Variants in CDC42SE2 observed in about 807,000 individuals in gnomAD.
The protein encoded by CDC42SE2 is CDC42 small effector 2, also known as CDC42 small effector protein 2.
A neutral mutation model predicts 11.5 loss-of-function variants in CDC42SE2; 3 were observed. The ratio of observed to expected loss-of-function variants is 0.26; its 90% CI spans 0.12 to 0.67. The LOEUF is 0.67. Ranked by LOEUF, CDC42SE2 falls within the 30% of genes least tolerant of loss-of-function variation. CDC42SE2 has a pLI of 0.80. For synonymous variants in CDC42SE2, 33 were observed against 34.8 expected (o/e 0.95, Z 0.18); for missense variants, 82 against 106.8 (o/e 0.77, Z 1.02).
chr5:131,256,536 C>T (rs1316240246), intron 2 of CDC42SE2, among the ~76,000 whole-genome samples: 1 of 152,234 alleles, frequency 6.6e-6, no homozygotes, highest in Non-Finnish European at 1.5e-5. Context: ...GTTCTCTGCT[C>T]ACGGTATCAG....
chr5:131,368,059 C>T (rs956627807), intron 3 of CDC42SE2, among the ~76,000 whole-genome samples: 1 of 151,978 alleles, frequency 6.6e-6, no homozygotes, highest in South Asian at 2.1e-4. Context: ...CGAGACTGTC[C>T]TGGCTAACAC....
chr5:131,311,032 A>T, intron 1 of CDC42SE2, among the ~76,000 whole-genome samples: 2 of 147,902 alleles, frequency 1.4e-5, no homozygotes, highest in African/African-American at 2.5e-5. Flanking sequence ...GTTTCTTCCT[A>T]GTCTGGATGG....
At chr5:131,233,975 C>T in the CDC42SE2 span, among the ~76,000 whole-genome samples, 1 of 152,058 alleles carries the variant, frequency 6.6e-6, no homozygotes, top group African/African-American at 2.4e-5. Context: ...TGGATCAGAC[C>T]TCCATCCCTA....
intron 1 of CDC42SE2, among the ~76,000 whole-genome samples, chr5:131,284,617 C>A (rs1757304007): frequency 6.6e-6 from 1 of 152,044 alleles, no homozygotes; most frequent in South Asian, 2.1e-4. Context: ...ACTACAGGCA[C>A]ATGTCATCAT....
chr5:131,368,467 T>G (rs1033273464), intron 3 of CDC42SE2, among the ~76,000 whole-genome samples: 28 of 152,164 alleles, frequency 1.8e-4, no homozygotes, highest in African/African-American at 6.8e-4. Flanking sequence ...TTTGTTCACC[T>G]TTTGTCGTGT....
At chr5:131,257,635 G>A (rs546757436) in intron 2 of CDC42SE2, among the ~76,000 whole-genome samples, 47 of 151,844 alleles carry the variant, frequency 3.1e-4, no homozygotes, top group Non-Finnish European at 2.2e-4. Flanking sequence ...GCACCACCAT[G>A]CCTGGCTAAT....
At chr5:131,346,650 A>C (rs925620977) in intron 2 of CDC42SE2, among the ~76,000 whole-genome samples, 3 of 152,128 alleles carry the variant, frequency 2.0e-5, no homozygotes, top group Non-Finnish European at 2.9e-5. Flanking sequence ...GCACCAAGCC[A>C]ACCTAATAGA....
intron 1 of CDC42SE2, among the ~76,000 whole-genome samples, chr5:131,298,756 A>T (rs778368452): frequency 6.6e-6 from 1 of 152,132 alleles, no homozygotes; most frequent in Non-Finnish European, 1.5e-5. Context: ...GAAGGCTGTC[A>T]TATCTTCCCC....
chr5:131,308,595 T>G (rs1417047312), intron 1 of CDC42SE2, among the ~76,000 whole-genome samples: 3 of 151,816 alleles, frequency 2.0e-5, no homozygotes, highest in Admixed American at 2.0e-4. Flanking sequence ...TGTTCTTCCA[T>G]TTGTTTGTAT....
intron 4 of CDC42SE2, among the ~76,000 whole-genome samples, chr5:131,389,748 G>A (rs536057453): frequency 6.6e-6 from 1 of 152,272 alleles, no homozygotes; most frequent in South Asian, 2.1e-4. Flanking sequence ...ATGATGCCCC[G>A]GTTCCTTCCA....
At chr5:131,273,193 T>C (rs1191566479) in intron 1 of CDC42SE2, among the ~76,000 whole-genome samples, 2 of 148,950 alleles carry the variant, frequency 1.3e-5, no homozygotes, top group Non-Finnish European at 3.0e-5. Flanking sequence ...TCTTGCTCTG[T>C]TGCCCAGGCT....
intron 1 of CDC42SE2, among the ~76,000 whole-genome samples, chr5:131,264,811 C>T (rs1353664490): frequency 1.3e-5 from 2 of 152,186 alleles, no homozygotes; most frequent in Non-Finnish European, 2.9e-5. Flanking sequence ...TCCTTGATGC[C>T]GCATTAACAG....
At chr5:131,320,425 G>A (rs993301674) in intron 2 of CDC42SE2, among the ~76,000 whole-genome samples, 6 of 145,532 alleles carry the variant, frequency 4.1e-5, no homozygotes, top group Non-Finnish European at 7.5e-5. Context: ...AAAAAAAAAA[G>A]AATTAGTTCT....
At chr5:131,350,715 A>G (rs2149762668) in intron 2 of CDC42SE2, among the ~76,000 whole-genome samples, 1 of 152,064 alleles carries the variant, frequency 6.6e-6, no homozygotes, top group East Asian at 1.9e-4. Flanking sequence ...AATCAGAATC[A>G]CAGGAGGCTT....
At chr5:131,365,305 A>G (rs1011363354) in intron 3 of CDC42SE2, among the ~76,000 whole-genome samples, 1 of 152,038 alleles carries the variant, frequency 6.6e-6, no homozygotes, top group East Asian at 1.9e-4. Context: ...AAAAAAAAAA[A>G]AGAAAACATC....
In CDC42SE2 at chr5:131,307,312, C is replaced by T. The variant is rs563847423; in HGVS notation, c.-454-8664C>T. ...GTTCCCACCTATGAGTGAGAATATG[C>T]GGTGTTTGGTTTTTTGTTCTTGCGA... is the stretch of plus-strand genomic sequence containing the variant. On this transcript the variant is annotated intron_variant, in intron 1 of 4. Coordinates refer to ENST00000505065, the MANE Select transcript of CDC42SE2 (RefSeq NM_001375635.1). Among the ~76,000 whole-genome samples the T allele has an allele frequency of 9.1e-3, 1,333 of 146,960 alleles. 21 individuals carry two copies. Among genetic ancestry groups the T allele is most frequent in the African/African-American group, 0.032 (1,264 of 39,818 alleles).
At chr5:131,338,247 C>A (rs940158675) in intron 2 of CDC42SE2, among the ~76,000 whole-genome samples, 2 of 152,188 alleles carry the variant, frequency 1.3e-5, no homozygotes, top group African/African-American at 4.8e-5. Context: ...CATGGCAGTC[C>A]TGTGGTCTGA....
intron 2 of CDC42SE2, among the ~76,000 whole-genome samples, chr5:131,334,176 G>A (rs566469644): frequency 3.9e-4 from 59 of 152,238 alleles, no homozygotes; most frequent in African/African-American, 1.4e-3. Flanking sequence ...AGCATGAAGG[G>A]TTGTTGAATT....
intron 1 of CDC42SE2, among the ~76,000 whole-genome samples, chr5:131,302,391 C>T (rs928142932): frequency 6.6e-6 from 1 of 152,206 alleles, no homozygotes; most frequent in Non-Finnish European, 1.5e-5. Context: ...GTTGGTGAGG[C>T]TGGTCACGAA....
Sources: allele counts gnomAD v4.1 joint callset (sites outside exome capture counted in the v4.1 genomes callset), GRCh38; gene constraint gnomAD v4.1.1; transcripts MANE v1.5; gene names NCBI Gene and HGNC (gene_info 2026-07-23, HGNC 2026-07-21).